CFAP61: variants seen among roughly 807,000 people sequenced by gnomAD.
CFAP61 encodes the protein cilia and flagella associated protein 61, also known as cilia- and flagella-associated protein 61.
CFAP61 carries 107 observed loss-of-function variants against 135.6 expected under a neutral mutation model. The observed-to-expected ratio is 0.79, with a 90% CI of 0.67 to 0.93. The LOEUF is 0.93. CFAP61 is among the 40% of genes least tolerant of loss of function. The probability of loss-of-function intolerance (pLI) is 0.00; values close to 1 mark genes in which losing one functional copy is unlikely to be tolerated. For synonymous variants in CFAP61, 575 were observed against 578.5 expected, an observed-to-expected ratio of 0.99 and a Z score of 0.09; for missense variants, 1,507 against 1,556.2, an observed-to-expected ratio of 0.97 and a Z score of 0.53.
At chr20:20,085,549 A>T (rs531618783) in intron 6 of CFAP61, 1 of 1,364,998 alleles carries the variant, frequency 7.3e-7, no homozygotes. Flanking sequence ...ATGATTATGG[A>T]TAACTTTGTT....
At chr20:20,297,899 G>A (rs1339430535) in intron 24 of CFAP61, among the ~76,000 whole-genome samples, 5 of 152,210 alleles carry the variant, frequency 3.3e-5, no homozygotes, top group African/African-American at 1.2e-4. Context: ...AGCTGGGTGT[G>A]CAGTATTAAT....
At chr20:20,192,256 G>A (rs2055974006) in intron 15 of CFAP61, among the ~76,000 whole-genome samples, 1 of 152,000 alleles carries the variant, frequency 6.6e-6, no homozygotes, top group Non-Finnish European at 1.5e-5. Flanking sequence ...ACGTCTTGTG[G>A]CTTCTTTCAT....
intron 6 of CFAP61, among the ~76,000 whole-genome samples, chr20:20,087,921 G>A (rs1377426836): frequency 1.3e-5 from 2 of 151,168 alleles, no homozygotes; most frequent in African/African-American, 4.9e-5. Flanking sequence ...CATTTATGGT[G>A]GCGCCTCAGT....
At chr20:20,164,875 A>G (rs773969261) in intron 11 of CFAP61, among the ~76,000 whole-genome samples, 7 of 152,218 alleles carry the variant, frequency 4.6e-5, no homozygotes, top group Non-Finnish European at 1.0e-4. Context: ...GATGAAAGCC[A>G]TGTCTTACAT....
At chr20:20,100,441 G>A (rs1486553795) in intron 8 of CFAP61, among the ~76,000 whole-genome samples, 1 of 152,128 alleles carries the variant, frequency 6.6e-6, no homozygotes, top group Non-Finnish European at 1.5e-5. Context: ...CCAAAGTGCT[G>A]GGATTACAGG....
intron 9 of CFAP61, among the ~76,000 whole-genome samples, chr20:20,145,235 G>C (rs1474250014): frequency 6.6e-6 from 1 of 152,080 alleles, no homozygotes; most frequent in Non-Finnish European, 1.5e-5. Context: ...TGTATGACAA[G>C]AATAGCACAA....
At chr20:20,348,856 G>A (rs956241482) in intron 26 of CFAP61, among the ~76,000 whole-genome samples, 2 of 149,474 alleles carry the variant, frequency 1.3e-5, no homozygotes, top group African/African-American at 2.5e-5. Context: ...GACAAAGGAT[G>A]TTTATGAAAA....
rs1265319991 is a variant in CFAP61, at chr20:20,296,067, T to G, written c.3217-2114T>G. Among the ~76,000 whole-genome samples, 24 of 20,250 alleles carry G rather than the reference T, an allele frequency of 1.2e-3. 2 individuals are homozygous for G. Among genetic ancestry groups the G allele is most frequent in the Admixed American group, 2.1e-3 (4 of 1,922 alleles). 13.3% of individuals were successfully genotyped at this position (20,250 alleles called of 152,430 possible). The stretch of plus-strand genomic sequence containing the variant: ...CCTCCCTTCCTTCCCTTCCTTCCCT[T>G]CCTTCCCTCCTTTTCTTCCTTCTTT... On this transcript the variant is annotated intron_variant, in intron 24 of 26. Transcript: ENST00000245957.
intron 8 of CFAP61, among the ~76,000 whole-genome samples, chr20:20,115,280 CTGAGTT>C (rs2049059211): frequency 7.8e-6 from 1 of 128,838 alleles, no homozygotes; most frequent in African/African-American, 2.8e-5. Flanking sequence ...AAGTTTATTA[CTGAGTT>C]TATTTTAAAA....
intron 10 of CFAP61, among the ~76,000 whole-genome samples, chr20:20,162,815 A>C (rs1308963366): frequency 6.7e-6 from 1 of 148,966 alleles, no homozygotes; most frequent in Non-Finnish European, 1.5e-5. Flanking sequence ...CTAAGCACAC[A>C]GATGAAAACA....
intron 17 of CFAP61, among the ~76,000 whole-genome samples, chr20:20,205,725 G>T (rs1208538030): frequency 1.3e-5 from 2 of 152,200 alleles, no homozygotes; most frequent in Admixed American, 1.3e-4. Context: ...TTGGTGTGCT[G>T]GCAGGTTTTG....
chr20:20,108,023 A>G (rs1392421128), intron 8 of CFAP61, among the ~76,000 whole-genome samples: 3 of 152,236 alleles, frequency 2.0e-5, no homozygotes, highest in Non-Finnish European at 2.9e-5. Flanking sequence ...AATATTATTC[A>G]TAATAAATGT....
chr20:20,262,670 T>C (rs2052341071), intron 20 of CFAP61, among the ~76,000 whole-genome samples: 1 of 152,220 alleles, frequency 6.6e-6, no homozygotes. Flanking sequence ...TCTGAATTAC[T>C]GTCCTGCATA....
intron 26 of CFAP61, among the ~76,000 whole-genome samples, chr20:20,346,062 C>T (rs1343483693): frequency 1.4e-4 from 19 of 137,122 alleles, no homozygotes; most frequent in African/African-American, 2.6e-4. Flanking sequence ...CCACCGCGCC[C>T]GGCTAATTTT....
At chr20:20,199,992 G>C (rs1399783114) in intron 17 of CFAP61, 90 bp downstream of exon 17, 7 of 1,450,732 alleles carry the variant, frequency 4.8e-6, no homozygotes, top group Non-Finnish European at 6.6e-6. Context: ...ACAGGAGCAG[G>C]CTGCTTCTTA....
intron 20 of CFAP61, among the ~76,000 whole-genome samples, chr20:20,262,685 G>C (rs985233065): frequency 1.3e-5 from 2 of 152,108 alleles, no homozygotes; most frequent in African/African-American, 4.8e-5. Flanking sequence ...TGCATAAGCT[G>C]GGAGCCTAAT....
At chr20:20,348,804 AAAAAAAAAC>A (rs1191694927) in intron 26 of CFAP61, among the ~76,000 whole-genome samples, 1 of 151,834 alleles carries the variant, frequency 6.6e-6, no homozygotes, top group Non-Finnish European at 1.5e-5. Context: ...CACTAAAAAA[AAAAAAAAAC>A]AAACTGTCAA....
At position 20,290,318 on chromosome 20, in the gene CFAP61, C is replaced by A; in HGVS notation, c.3143C>A (p.Ser1048Tyr). 6.2e-7 allele frequency: 1 copy of A among 1,613,112 alleles called. No individual in the cohort carries two copies. The highest frequency in any genetic ancestry group is 8.5e-7 in the Non-Finnish European group (1 of 1,178,988). The change falls in exon 24 of 27, where the codon TCT becomes TAT. Residue 1048 changes from serine (S) to tyrosine (Y), a missense_variant. Transcript: ENST00000245957. The stretch of plus-strand genomic sequence containing the variant: ...CTTCTAGGGGGCATTCTTCCTGGGT[C>A]TTACCATTATCTGCATATTGCCAAG... ...AKIQGGILPG[S>Y]YHYLHIAKPA...
chr20:20,271,310 A>G (rs1053804531), intron 21 of CFAP61, among the ~76,000 whole-genome samples: 5 of 152,144 alleles, frequency 3.3e-5, no homozygotes, highest in Non-Finnish European at 7.4e-5. Flanking sequence ...AACAAAAACA[A>G]AAACAAAAAG....
Sources: allele counts gnomAD v4.1 joint callset (sites outside exome capture counted in the v4.1 genomes callset), GRCh38; gene constraint gnomAD v4.1.1; transcripts MANE v1.5; gene names NCBI Gene and HGNC (gene_info 2026-07-23, HGNC 2026-07-21).